The following ZC4H2 variants were observed in gnomAD, a reference collection of about 807,000 sequenced individuals.
ZC4H2 encodes zinc finger C4H2-type containing.
For synonymous variants in ZC4H2, 84 were observed against 66.3 expected, an observed-to-expected ratio of 1.27 and a Z score of -1.30; for missense variants, 137 against 173.9, an observed-to-expected ratio of 0.79 and a Z score of 1.19.
chrX:64,988,822 C>T (rs1406433074), intron 1 of ZC4H2, among the ~76,000 whole-genome samples: 2 of 110,909 alleles, frequency 1.8e-5, no homozygotes, highest in East Asian at 5.6e-4. Flanking sequence ...AATGGTATTG[C>T]CTAGGTTTTC....
chrX:64,965,983 C>T (rs2147409540), intron 1 of ZC4H2, among the ~76,000 whole-genome samples: 1 of 94,464 alleles, frequency 1.1e-5, no homozygotes, highest in African/African-American at 3.6e-5. Flanking sequence ...CATTGTAATT[C>T]AAAAGACACT....
At chrX:64,928,644 T>C (rs868248702) in intron 1 of ZC4H2, among the ~76,000 whole-genome samples, 3 of 91,943 alleles carry the variant, frequency 3.3e-5, no homozygotes, top group Non-Finnish European at 6.7e-5. Flanking sequence ...TTCTTCTTCT[T>C]CTTCTTCTTC....
intron 1 of ZC4H2, among the ~76,000 whole-genome samples, chrX:64,951,393 T>G (rs1233478938): frequency 2.4e-4 from 27 of 111,793 alleles, no homozygotes; most frequent in African/African-American, 8.8e-4. Flanking sequence ...TCCACAACGG[T>G]TGAACTAGTT....
At chrX:65,009,752 TGA>T (rs1300985844) in intron 1 of ZC4H2, among the ~76,000 whole-genome samples, 1 of 111,775 alleles carries the variant, frequency 8.9e-6, no homozygotes, top group East Asian at 2.8e-4. Flanking sequence ...ATTACTCCTG[TGA>T]GACTTGGGGG....
At chrX:65,023,629 A>T (rs1445973120) in intron 1 of ZC4H2, among the ~76,000 whole-genome samples, 4 of 111,982 alleles carry the variant, frequency 3.6e-5, no homozygotes, top group African/African-American at 6.5e-5. Flanking sequence ...GAGGATCTGG[A>T]GAAATAGGAA....
At chrX:64,988,582 G>GT (rs1239693142) in intron 1 of ZC4H2, among the ~76,000 whole-genome samples, 50 of 106,231 alleles carry the variant, frequency 4.7e-4, no homozygotes, top group Middle Eastern at 9.5e-3. Context: ...TGATGGGTTT[G>GT]TTTTTTTTTT....
At chrX:64,987,658 A>G (rs1253314621) in intron 1 of ZC4H2, among the ~76,000 whole-genome samples, 1 of 110,488 alleles carries the variant, frequency 9.1e-6, no homozygotes, top group Non-Finnish European at 1.9e-5. Flanking sequence ...AAAAAAGGAG[A>G]AAACCTTTTG....
At chrX:64,950,959 T>G (rs1438093669) in intron 1 of ZC4H2, among the ~76,000 whole-genome samples, 1 of 109,898 alleles carries the variant, frequency 9.1e-6, no homozygotes, top group Non-Finnish European at 1.9e-5. Context: ...CTCCCCACTC[T>G]CCCCACCCCA....
chrX:64,940,939 T>C (rs1471860681), intron 1 of ZC4H2, among the ~76,000 whole-genome samples: 1 of 112,198 alleles, frequency 8.9e-6, no homozygotes, highest in Non-Finnish European at 1.9e-5. Flanking sequence ...GTGAATAAAT[T>C]CAATGGTAGC....
intron 1 of ZC4H2, among the ~76,000 whole-genome samples, chrX:64,930,315 C>T (rs1929682634): frequency 9.0e-6 from 1 of 111,600 alleles, no homozygotes; most frequent in Admixed American, 9.5e-5. Flanking sequence ...CATTGGCAAA[C>T]AGTGACATTT....
At chrX:64,953,409 TG>T (rs1387700121) in intron 1 of ZC4H2, among the ~76,000 whole-genome samples, 10 of 111,955 alleles carry the variant, frequency 8.9e-5, no homozygotes, top group Admixed American at 6.6e-4. Context: ...AGAAAATTTT[TG>T]CAATGTACTC....
intron 1 of ZC4H2, among the ~76,000 whole-genome samples, chrX:64,960,607 C>T (rs986521096): frequency 2.7e-5 from 3 of 111,868 alleles, no homozygotes; most frequent in African/African-American, 9.7e-5. Flanking sequence ...TGCTTAACAG[C>T]AAGACTTATA....
upstream of ZC4H2, among the ~76,000 whole-genome samples, chrX:64,977,627 T>C (rs1931988552): frequency 9.1e-6 from 1 of 110,446 alleles, no homozygotes; most frequent in African/African-American, 3.3e-5. Context: ...GCCTCCCGAG[T>C]AACTGGGATT....
intron 1 of ZC4H2, among the ~76,000 whole-genome samples, chrX:65,008,576 C>T (rs1213221034): frequency 8.9e-6 from 1 of 112,277 alleles, no homozygotes; most frequent in African/African-American, 3.2e-5. Flanking sequence ...TGTCTATCAA[C>T]AGATGAATGT....
At chrX:65,024,568 C>A (rs1602461021) in intron 1 of ZC4H2, among the ~76,000 whole-genome samples, 1 of 111,289 alleles carries the variant, frequency 9.0e-6, no homozygotes, top group Non-Finnish European at 1.9e-5. Context: ...ATGAAAAAAA[C>A]AAACAAACAA....
intron 1 of ZC4H2, among the ~76,000 whole-genome samples, chrX:64,927,459 A>G (rs1398947024): frequency 9.0e-6 from 1 of 111,606 alleles, no homozygotes; most frequent in Non-Finnish European, 1.9e-5. Flanking sequence ...AAGGACATAA[A>G]CTCATCCATT....
chrX:65,032,508 A>G (rs1011568245), intron 1 of ZC4H2, among the ~76,000 whole-genome samples: 3 of 111,696 alleles, frequency 2.7e-5, no homozygotes, highest in African/African-American at 9.8e-5. Context: ...TCATTTCCAC[A>G]TTCATAATTG....
At chrX:64,951,720 G>C (rs1381618212) in intron 1 of ZC4H2, among the ~76,000 whole-genome samples, 2 of 110,283 alleles carry the variant, frequency 1.8e-5, no homozygotes, top group East Asian at 5.7e-4. Flanking sequence ...AGATGAGTAG[G>C]TTGCAAAAAT....
Position 64,916,550 on chromosome X carries a change from TAAGG to T in ZC4H2, c.*1229_*1232del, listed in dbSNP as rs1279932228. On this transcript the variant is annotated 3_prime_UTR_variant, in exon 5 of 5. Transcript: ENST00000374839. ...CACACTGTGGCAATGTAAAACTACT[TAAGG>T]AAGGAAAAATATCCCCCTCCCCAGC... is the stretch of plus-strand genomic sequence containing the variant. 2.7e-5 allele frequency: 3 copies of T among 111,877 alleles called. No individual in the cohort carries two copies. The highest frequency in any genetic ancestry group is 5.6e-5 in the Non-Finnish European group (3 of 53,146). 9.2% of individuals were successfully genotyped at this position (111,877 alleles called of 1,213,427 possible). A position where few individuals can be genotyped will look rare whatever the true frequency, so the allele number is the denominator to read the frequency against.
Sources: gnomAD v4.1 joint callset for allele counts (sites outside exome capture counted in the v4.1 genomes callset) on GRCh38, gnomAD v4.1.1 for gene constraint, MANE v1.5 for transcripts, NCBI Gene and HGNC (gene_info 2026-07-23, HGNC 2026-07-21) for gene names.